The following FRMD4B variants were observed in gnomAD, a reference collection of about 807,000 sequenced individuals.
The protein encoded by FRMD4B is FERM domain-containing protein 4B.
In FRMD4B, 74 loss-of-function variants were observed where a neutral mutation model predicts 141.5. The ratio of observed to expected loss-of-function variants is 0.52; its 90% CI spans 0.43 to 0.63. The LOEUF (loss-of-function observed/expected upper bound fraction) is 0.63, where lower values mean the gene tolerates loss of function less well. FRMD4B is among the 30% of genes least tolerant of loss of function. The pLI, the probability that FRMD4B is intolerant of heterozygous loss-of-function variation, is 0.00. For missense variants in FRMD4B, 1,366 were observed against 1,253.4 expected (o/e 1.09, Z -1.36); for synonymous variants, 506 against 467.9 (o/e 1.08, Z -1.05).
intron 2 of FRMD4B, among the ~76,000 whole-genome samples, chr3:69,422,741 T>A (rs958880287): frequency 4.6e-5 from 7 of 152,180 alleles, no homozygotes; most frequent in Admixed American, 4.6e-4. Flanking sequence ...GAATTTTGTA[T>A]AAGTTTCATG....
chr3:69,376,984 A>G (rs916504374), intron 1 of FRMD4B: 1 of 152,132 alleles, frequency 6.6e-6, no homozygotes, highest in Non-Finnish European at 1.5e-5. Context: ...ACTCATTTGA[A>G]GAGTCCGGAG....
In FRMD4B at chr3:69,313,500, G is replaced by T; in HGVS notation, c.180C>A (p.His60Gln). ...QDVYQMTEGR[H>Q]CQVHLLDDRR... ...TATCATCCAGGAGGTGCACCTGGCA[G>T]TGCCTGCCTTCTGTCATCTGCAGGA... The change falls in exon 2 of 23, where the codon CAC becomes CAA. Residue 60 changes from histidine (H) to glutamine (Q), a missense_variant. Coordinates refer to ENST00000398540, the MANE Select transcript of FRMD4B (RefSeq NM_015123.3). The T allele has an allele frequency of 6.4e-7, 1 of 1,570,624 alleles. No individual in the cohort carries two copies. The highest frequency in any genetic ancestry group is 8.6e-7 in the Non-Finnish European group (1 of 1,156,838).
chr3:69,350,838 G>C (rs182969299), intron 1 of FRMD4B, among the ~76,000 whole-genome samples: 2 of 137,606 alleles, frequency 1.5e-5, no homozygotes, highest in East Asian at 2.4e-4. Context: ...GTGTGGGGAG[G>C]GGGGAGGGGG....
At chr3:69,311,206 C>G in intron 3 of FRMD4B, 57 bp downstream of exon 3, 1 of 763,346 alleles carries the variant, frequency 1.3e-6, no homozygotes, top group Non-Finnish European at 2.3e-6. Flanking sequence ...TTATGGAAGA[C>G]AGCAAGTAGG....
intron 21 of FRMD4B, among the ~76,000 whole-genome samples, chr3:69,177,892 T>C (rs1288663346): frequency 1.3e-5 from 2 of 152,154 alleles, no homozygotes; most frequent in African/African-American, 2.4e-5. Context: ...AGGCTATTTT[T>C]TGTCTTAAAA....
chr3:69,400,146 G>T (rs1020810765), intron 2 of FRMD4B, among the ~76,000 whole-genome samples: 4 of 151,992 alleles, frequency 2.6e-5, no homozygotes, highest in Non-Finnish European at 5.9e-5. Context: ...AGCACATTGG[G>T]AGTCTGACAC....
At position 69,216,473 on chromosome 3, in the gene FRMD4B, C is replaced by G. The variant is rs976299378; in HGVS notation, c.790-124G>C. 7 of 580,976 alleles carry G rather than the reference C, an allele frequency of 1.2e-5. No homozygotes were observed. In the East Asian group the frequency reaches 2.1e-4, roughly 18 times the overall value. The allele number at this position is 580,976 out of a possible 1,614,324, so 36.0% of individuals were successfully genotyped here. On this transcript the variant is annotated intron_variant, in intron 10 of 22. Transcript: ENST00000398540. ...TTTGAGACGGAGTCTCATTCTGTCA[C>G]CAGGCTGGAGTGCAGTGGCATGATC...
chr3:69,455,900 C>T (rs537008027), intron 1 of FRMD4B, among the ~76,000 whole-genome samples: 87 of 152,278 alleles, frequency 5.7e-4, no homozygotes, highest in Non-Finnish European at 1.1e-3. Flanking sequence ...GATCCTGTTC[C>T]ACCATCACCT....
intron 3 of FRMD4B, chr3:69,310,553 A>AACAC (rs138025208): frequency 0.016 from 4,857 of 297,706 alleles, 108 homozygotes; most frequent in African/African-American, 0.051. Context: ...CACACAGACA[A>AACAC]ACACACACAC....
At position 69,411,898 on chromosome 3, in the gene FRMD4B, TC is replaced by T. The variant is rs1704767382; in HGVS notation, c.-1+20735del. On this transcript the variant is annotated intron_variant, in intron 2 of 5. Coordinates refer to the FRMD4B transcript ENST00000459638. ...CTGAGTGATTTTTAAGTTTTATTGT[TC>T]TGAAGCCCAATTGCAAAAATAAGTG... Among the ~76,000 whole-genome samples the T allele has an allele frequency of 3.9e-5, 6 of 152,324 alleles. 1 individual carries two copies. The South Asian group carries it at 1.2e-3, about 32-fold the overall frequency.
chr3:69,183,016 A>T (rs191996486), intron 19 of FRMD4B, among the ~76,000 whole-genome samples: 49 of 152,352 alleles, frequency 3.2e-4, no homozygotes, highest in Admixed American at 7.8e-4. Flanking sequence ...GCACCTGAAC[A>T]TTCAAAACAG....
At chr3:69,214,003 C>T (rs1328709464) in intron 11 of FRMD4B, among the ~76,000 whole-genome samples, 2 of 152,006 alleles carry the variant, frequency 1.3e-5, no homozygotes, top group East Asian at 1.9e-4. Flanking sequence ...AGTAAGAAGC[C>T]TCAACGCCCT....
intron 1 of FRMD4B, among the ~76,000 whole-genome samples, chr3:69,468,081 T>A (rs1231345355): frequency 3.3e-5 from 5 of 152,238 alleles, no homozygotes; most frequent in Admixed American, 1.3e-4. Flanking sequence ...AGCTATCACT[T>A]GAAACATGAA....
intron 1 of FRMD4B, chr3:69,323,052 A>G: frequency 1.1e-6 from 1 of 949,946 alleles, no homozygotes; most frequent in South Asian, 4.9e-5. Flanking sequence ...AAGGAAAAAG[A>G]CAATGAGGGA....
chr3:69,293,465 AGCAGCCAATG>A (rs1319500478), intron 4 of FRMD4B, among the ~76,000 whole-genome samples: 16 of 125,110 alleles, frequency 1.3e-4, no homozygotes, highest in African/African-American at 3.9e-4. Flanking sequence ...CATGTAGTTT[AGCAGCCAATG>A]AGTGGCGGTG....
At chr3:69,327,177 C>A (rs1702215436) in intron 1 of FRMD4B, among the ~76,000 whole-genome samples, 3 of 152,078 alleles carry the variant, frequency 2.0e-5, no homozygotes, top group Admixed American at 6.6e-5. Flanking sequence ...GCAGCAGACA[C>A]CCTGTGGTTT....
intron 1 of FRMD4B, among the ~76,000 whole-genome samples, chr3:69,458,299 G>A (rs1164845880): frequency 1.3e-5 from 2 of 152,138 alleles, no homozygotes; most frequent in African/African-American, 4.8e-5. Flanking sequence ...GTATACGATG[G>A]TGAACTAGAT....
At position 69,467,003 on chromosome 3, in the gene FRMD4B, G is replaced by T. The variant is rs186710001; in HGVS notation, c.-128-34242C>A. Among the ~76,000 whole-genome samples, 42 of 152,256 alleles carry T rather than the reference G, an allele frequency of 2.8e-4. No individual in the cohort carries two copies. The East Asian group carries it at 7.9e-3, about 29-fold the overall frequency. On this transcript the variant is annotated intron_variant, in intron 1 of 5. Coordinates refer to the FRMD4B transcript ENST00000459638. ...AGGCTTGAGCCACTGTGCCCGGCTA[G>T]AAGTCTTTTAAAAAATAAAACCTTA...
At chr3:69,517,968 G>C (rs564531303) in intron 1 of FRMD4B, among the ~76,000 whole-genome samples, 2 of 152,134 alleles carry the variant, frequency 1.3e-5, no homozygotes, top group Non-Finnish European at 2.9e-5. Context: ...TAAAACTCAA[G>C]AATCTGCATT....
Sources: allele counts gnomAD v4.1 joint callset (sites outside exome capture counted in the v4.1 genomes callset), GRCh38; gene constraint gnomAD v4.1.1; transcripts MANE v1.5; gene names NCBI Gene and HGNC (gene_info 2026-07-23, HGNC 2026-07-21).